The following KDM4C variants were observed in gnomAD, a reference collection of about 807,000 sequenced individuals.
KDM4C encodes the protein lysine-specific demethylase 4C.
A neutral mutation model predicts 129.3 loss-of-function variants in KDM4C; 81 were observed. The observed-to-expected ratio is 0.63, with a 90% CI of 0.52 to 0.75. The LOEUF is 0.75. KDM4C is among the 30% of genes least tolerant of loss of function. KDM4C has a pLI of 0.00. For synonymous variants in KDM4C, 573 were observed against 456.1 expected (o/e 1.26, Z -3.26); for missense variants, 1,457 against 1,304.0 (o/e 1.12, Z -1.81).
intron 5 of KDM4C, among the ~76,000 whole-genome samples, chr9:6,859,598 T>C (rs1840560339): frequency 1.4e-5 from 2 of 146,572 alleles, no homozygotes; most frequent in African/African-American, 5.0e-5. Context: ...GCGCGGTGGC[T>C]CACGCCTGTA....
chr9:6,912,818 C>G (rs1437299652), intron 8 of KDM4C, among the ~76,000 whole-genome samples: 1 of 152,054 alleles, frequency 6.6e-6, no homozygotes. Flanking sequence ...TATGTGTTAC[C>G]ATGTGTGTTT....
intron 5 of KDM4C, among the ~76,000 whole-genome samples, chr9:6,876,957 A>G (rs1843659299): frequency 6.6e-6 from 1 of 152,312 alleles, no homozygotes; most frequent in East Asian, 1.9e-4. Context: ...GTCAGGACCA[A>G]GCAGAGGTTC....
At chr9:6,727,896 T>C (rs887586423) in intron 1 of KDM4C, among the ~76,000 whole-genome samples, 4 of 151,452 alleles carry the variant, frequency 2.6e-5, no homozygotes, top group Non-Finnish European at 2.9e-5. Context: ...ATTCACCCAG[T>C]AAACCCCAAA....
chr9:6,850,250 A>G (rs771407187), intron 5 of KDM4C, among the ~76,000 whole-genome samples: 1 of 152,222 alleles, frequency 6.6e-6, no homozygotes, highest in African/African-American at 2.4e-5. Flanking sequence ...CTGTATATGT[A>G]AAGTTGCCTG....
intron 17 of KDM4C, among the ~76,000 whole-genome samples, chr9:7,079,446 C>A (rs1354481175): frequency 1.3e-5 from 2 of 152,170 alleles, no homozygotes; most frequent in East Asian, 3.9e-4. Flanking sequence ...CCTCAACCTC[C>A]CAAGTAGCTA....
intron 5 of KDM4C, among the ~76,000 whole-genome samples, chr9:6,854,803 C>T (rs145609554): frequency 1.3e-5 from 2 of 152,188 alleles, no homozygotes; most frequent in Admixed American, 1.3e-4. Flanking sequence ...AATGCTTTCT[C>T]ATTAGAACTT....
At chr9:6,943,367 A>G (rs1826302273) in intron 8 of KDM4C, among the ~76,000 whole-genome samples, 1 of 152,180 alleles carries the variant, frequency 6.6e-6, no homozygotes, top group Non-Finnish European at 1.5e-5. Context: ...GAGGAAAATT[A>G]TTTTACAAAC....
chr9:6,803,667 T>C (rs1031103990), intron 2 of KDM4C, among the ~76,000 whole-genome samples: 4 of 151,544 alleles, frequency 2.6e-5, no homozygotes, highest in African/African-American at 9.7e-5. Flanking sequence ...ATTCCAGCAC[T>C]TTGGGAGGCC....
At chr9:6,767,931 A>G (rs1359773438) in intron 1 of KDM4C, among the ~76,000 whole-genome samples, 3 of 151,948 alleles carry the variant, frequency 2.0e-5, no homozygotes, top group African/African-American at 7.3e-5. Flanking sequence ...TTATTTTTCT[A>G]AGTTTGTATT....
intron 4 of KDM4C, among the ~76,000 whole-genome samples, chr9:6,833,366 A>T (rs761978237): frequency 6.6e-6 from 1 of 152,178 alleles, no homozygotes; most frequent in Non-Finnish European, 1.5e-5. Context: ...TAGTTACCAA[A>T]GTACTGACTT....
At chr9:6,945,117 T>G (rs1382218673) in intron 8 of KDM4C, among the ~76,000 whole-genome samples, 1 of 152,152 alleles carries the variant, frequency 6.6e-6, no homozygotes, top group Non-Finnish European at 1.5e-5. Flanking sequence ...CACCTCTTAC[T>G]CACTGCACGA....
In KDM4C at chr9:7,174,683, C is replaced by T. The variant is rs201082037; in HGVS notation, c.3125C>T (p.Thr1042Ile). 7.6e-5 allele frequency: 122 copies of T among 1,613,998 alleles called. No individual in the cohort carries two copies. Among genetic ancestry groups the T allele is most frequent in the South Asian group, 3.6e-4 (33 of 91,070 alleles). ...NEYVADPVYR[T>I]FLKSSFQKKC... is the part of the protein sequence containing the mutation. ...TATGTGGCCGACCCTGTATACCGCA[C>T]TTTTTTGAAGAGCTCTTTCCAGAAG... The change falls in exon 22 of 22, where the codon ACT (threonine) becomes ATT (isoleucine). Residue 1042 changes from threonine to isoleucine, a missense_variant. Coordinates refer to ENST00000381309, the MANE Select transcript of KDM4C (RefSeq NM_015061.6).
chr9:7,113,753 A>T (rs1019719392), intron 18 of KDM4C, among the ~76,000 whole-genome samples: 3 of 152,212 alleles, frequency 2.0e-5, no homozygotes, highest in African/African-American at 7.2e-5. Context: ...AGCTCCTATT[A>T]TGTTGATCAA....
intron 4 of KDM4C, among the ~76,000 whole-genome samples, chr9:6,849,195 G>A (rs1016912840): frequency 6.6e-6 from 1 of 152,188 alleles, no homozygotes; most frequent in African/African-American, 2.4e-5. Flanking sequence ...CTTTGAATCA[G>A]TAATTTTTTG....
Position 7,174,922 on chromosome 9 carries a change from G to A in KDM4C, c.*193G>A. 2 of 501,738 alleles carry A rather than the reference G, an allele frequency of 4.0e-6. No individual in the cohort carries two copies. Among genetic ancestry groups the A allele is most frequent in the Admixed American group, 3.1e-5 (1 of 31,952 alleles). 31.1% of individuals were successfully genotyped at this position (501,738 alleles called of 1,614,324 possible). On this transcript the variant is annotated 3_prime_UTR_variant, in exon 22 of 22. Coordinates refer to ENST00000381309, the MANE Select transcript of KDM4C (RefSeq NM_015061.6). ...CCCAATGAATTGGACGCAGCAATCT[G>A]AAATCATCTCTAGTCTTGCTTTCAC...
intron 8 of KDM4C, among the ~76,000 whole-genome samples, chr9:6,977,398 C>A (rs1260806226): frequency 1.3e-5 from 2 of 152,112 alleles, no homozygotes; most frequent in African/African-American, 2.4e-5. Flanking sequence ...TCAACTTTTT[C>A]CCAGTATGTT....
intron 1 of KDM4C, among the ~76,000 whole-genome samples, chr9:6,782,292 A>T (rs958182437): frequency 1.3e-5 from 2 of 152,170 alleles, no homozygotes; most frequent in Non-Finnish European, 2.9e-5. Flanking sequence ...GATAAAGTTG[A>T]AAGATGAGTT....
intron 4 of KDM4C, among the ~76,000 whole-genome samples, chr9:6,826,798 T>C (rs569671278): frequency 1.0e-4 from 15 of 150,374 alleles, no homozygotes; most frequent in African/African-American, 3.7e-4. Flanking sequence ...ACCTGGGAGG[T>C]AGAGGTTGCA....
At chr9:6,721,885 G>A (rs1338850050) in intron 1 of KDM4C, among the ~76,000 whole-genome samples, 1 of 152,058 alleles carries the variant, frequency 6.6e-6, no homozygotes, top group African/African-American at 2.4e-5. Context: ...ACCGCGCCTG[G>A]CCCATTTTTT....
Sources: gnomAD v4.1 joint callset for allele counts (sites outside exome capture counted in the v4.1 genomes callset) on GRCh38, gnomAD v4.1.1 for gene constraint, MANE v1.5 for transcripts, NCBI Gene and HGNC (gene_info 2026-07-23, HGNC 2026-07-21) for gene names.